The following CFDP1 variants were observed in gnomAD, a reference collection of about 807,000 sequenced individuals.
CFDP1 encodes chromatin remodeling protein CFDP1.
CFDP1 carries 31 observed loss-of-function variants against 40.1 expected under a neutral mutation model. The observed-to-expected ratio is 0.77, with a 90% CI of 0.58 to 1.04. The LOEUF (loss-of-function observed/expected upper bound fraction) is 1.04. Among genes scored for constraint, CFDP1 ranks in the 50% least tolerant of loss-of-function variants. CFDP1 has a pLI of 0.00. For synonymous variants in CFDP1, 167 were observed against 120.0 expected, an observed-to-expected ratio of 1.39 and a Z score of -2.56; for missense variants, 423 against 343.4, an observed-to-expected ratio of 1.23 and a Z score of -1.83.
chr16:75,428,382 G>A (rs913182057), intron 1 of CFDP1, among the ~76,000 whole-genome samples: 11 of 152,074 alleles, frequency 7.2e-5, no homozygotes, highest in Admixed American at 7.2e-4. Context: ...TTGGGAGGCC[G>A]AAGCAAGTGG....
At position 75,332,317 on chromosome 16, in the gene CFDP1, T is replaced by C. The variant is rs149790704; in HGVS notation, c.651-27135A>G. ...CCATCTCTACTAAAAATACAAAAAT[T>C]AGCACGCTGTAGTGGCACGCACCTA... is the stretch of plus-strand genomic sequence containing the variant. On this transcript the variant is annotated intron_variant, in intron 5 of 6. Coordinates refer to ENST00000283882, the MANE Select transcript of CFDP1 (RefSeq NM_006324.3). 4.0e-3 allele frequency among the ~76,000 whole-genome samples: 608 copies of C among 151,938 alleles called. 4 individuals are homozygous for C. The highest frequency in any genetic ancestry group is 0.014 in the African/African-American group (586 of 41,408).
rs1334718706 is a variant in CFDP1, at chr16:75,411,945, T to C, written c.410A>G (p.Glu137Gly). ...VPPSTQVKKGEETEETSSSKL... is the reference protein window; with the variant it reads ...VPPSTQVKKGGETEETSSSKL... ...ACTTGAACTTGTCTCTTCAGTCTCC[T>C]CTCCTTTCTATAAAAAAAACAAGAA... is the stretch of plus-strand genomic sequence containing the variant. The change falls in exon 4 of 7, where the codon GAG (glutamate) becomes GGG (glycine). Residue 137 changes from glutamate (E) to glycine (G), a missense_variant. By Grantham distance (98) the Glu-to-Gly change is moderately conservative (BLOSUM62 -2). Transcript: ENST00000283882. The C allele has an allele frequency of 6.3e-7, 1 of 1,595,902 alleles. No homozygotes were observed. The highest frequency in any genetic ancestry group is 1.4e-5 in the African/African-American group (1 of 73,666).
In CFDP1 at chr16:75,333,122, C is replaced by CTT. The variant is rs1281826055; in HGVS notation, c.651-27942_651-27941dup. Among the ~76,000 whole-genome samples, 516 of 87,168 alleles carry CTT rather than the reference C, an allele frequency of 5.9e-3. 3 individuals are homozygous for CTT. The highest frequency in any genetic ancestry group is 0.021 in the African/African-American group (484 of 22,920). The allele number at this position is 87,168 out of a possible 152,430, so 57.2% of individuals were successfully genotyped here. On this transcript the variant is annotated intron_variant, in intron 5 of 6. Transcript: ENST00000283882. Reference sequence around the variant, plus strand: ...TGCGCCCAGCCAGCCTACTCATGTTCTTTTTTTTTTTTTTTTTTTGAGATG... The same window carrying CTT: ...TGCGCCCAGCCAGCCTACTCATGTTCTTTTTTTTTTTTTTTTTTTTTGAGATG...
At chr16:75,312,689 G>A (rs2078301295) in intron 5 of CFDP1, among the ~76,000 whole-genome samples, 1 of 152,274 alleles carries the variant, frequency 6.6e-6, no homozygotes, top group South Asian at 2.1e-4. Flanking sequence ...TCTTCCATGT[G>A]TTGTTGAGCA....
chr16:75,411,977 T>A, intron 3 of CFDP1, 25 bp from the exon 4 acceptor site: 2 of 1,575,772 alleles, frequency 1.3e-6, no homozygotes, highest in Admixed American at 2.0e-5. Context: ...AGAAATGTAA[T>A]GTTTCACCAA....
intron 4 of CFDP1, among the ~76,000 whole-genome samples, chr16:75,406,171 T>G (rs963004902): frequency 3.3e-5 from 5 of 150,096 alleles, no homozygotes; most frequent in Admixed American, 6.6e-5. Context: ...GCCCAGGAGT[T>G]CAAGACCAGC....
At chr16:75,367,296 G>A (rs2078721443) in intron 5 of CFDP1, among the ~76,000 whole-genome samples, 1 of 151,976 alleles carries the variant, frequency 6.6e-6, no homozygotes, top group African/African-American at 2.4e-5. Context: ...TTTAGGGAGA[G>A]TATTAGGAAA....
chr16:75,417,603 C>T (rs1276431031), intron 1 of CFDP1, among the ~76,000 whole-genome samples: 1 of 152,126 alleles, frequency 6.6e-6, no homozygotes, highest in Non-Finnish European at 1.5e-5. Context: ...AAAACAGCTC[C>T]TTATAAGGGT....
rs765191908 is a variant in CFDP1, at chr16:75,294,046, G to A, written c.810-4C>T. 8.7e-6 allele frequency: 14 copies of A among 1,609,686 alleles called. No individual in the cohort carries two copies. Among genetic ancestry groups the A allele is most frequent in the Non-Finnish European group, 1.2e-5 (14 of 1,175,984 alleles). ...GAAGGCTTTCCGTTCAATGTACCTAGAAGATGAAAACAGTGTTTGTCAGTA... is the reference window on the plus strand; with the variant it reads ...GAAGGCTTTCCGTTCAATGTACCTAAAAGATGAAAACAGTGTTTGTCAGTA... On this transcript the variant is annotated splice_polypyrimidine_tract_variant and splice_region_variant and intron_variant, in intron 6 of 6. Transcript: ENST00000283882.
At position 75,293,710 on chromosome 16, in the gene CFDP1, T is replaced by C; in HGVS notation, c.*242A>G. 4.2e-6 allele frequency: 2 copies of C among 474,080 alleles called. No homozygotes were observed. Among genetic ancestry groups the C allele is most frequent in the East Asian group, 8.0e-5 (2 of 25,084 alleles). The allele number at this position is 474,080 out of a possible 1,614,324, so 29.4% of individuals were successfully genotyped here. ...AATAAAGGGAAGGTGAGCGAGGTCG[T>C]CATCTTCATTATCCTCTCACAGGAC... On this transcript the variant is annotated 3_prime_UTR_variant, in exon 7 of 7. Transcript: ENST00000283882.
intron 4 of CFDP1, among the ~76,000 whole-genome samples, chr16:75,398,878 C>A (rs956631515): frequency 6.6e-6 from 1 of 151,944 alleles, no homozygotes; most frequent in East Asian, 1.9e-4. Context: ...CACGGTGAAA[C>A]CCCGTCTCTA....
chr16:75,396,950 G>C (rs2078999074), intron 4 of CFDP1, among the ~76,000 whole-genome samples: 2 of 152,018 alleles, frequency 1.3e-5, no homozygotes, highest in Admixed American at 6.6e-5. Context: ...GTCTCGCTCT[G>C]TCGCCTAGGC....
At chr16:75,359,140 C>T (rs2078665267) in intron 5 of CFDP1, among the ~76,000 whole-genome samples, 1 of 152,172 alleles carries the variant, frequency 6.6e-6, no homozygotes, top group African/African-American at 2.4e-5. Flanking sequence ...GCAGATCTGA[C>T]ACTCCAGCTA....
At chr16:75,371,220 T>C (rs1207626808) in intron 5 of CFDP1, among the ~76,000 whole-genome samples, 3 of 152,228 alleles carry the variant, frequency 2.0e-5, no homozygotes, top group Non-Finnish European at 2.9e-5. Context: ...TAAATGCCAG[T>C]AGCATCCCCT....
At chr16:75,309,934 A>G (rs2078285424) in intron 5 of CFDP1, among the ~76,000 whole-genome samples, 1 of 151,782 alleles carries the variant, frequency 6.6e-6, no homozygotes. Context: ...AGTCTGCTTT[A>G]ACAGACCACT....
At chr16:75,300,332 G>C (rs1422467719) in intron 6 of CFDP1, among the ~76,000 whole-genome samples, 1 of 152,116 alleles carries the variant, frequency 6.6e-6, no homozygotes, top group Admixed American at 6.5e-5. Context: ...TTGTTGCCTA[G>C]GCTGGAGTGC....
At chr16:75,386,426 T>C (rs1318370041) in intron 5 of CFDP1, among the ~76,000 whole-genome samples, 1 of 152,174 alleles carries the variant, frequency 6.6e-6, no homozygotes, top group Non-Finnish European at 1.5e-5. Flanking sequence ...AAAAAGTTTT[T>C]GCTTTGAAAA....
At chr16:75,346,872 C>T (rs2078570043) in intron 5 of CFDP1, among the ~76,000 whole-genome samples, 1 of 152,008 alleles carries the variant, frequency 6.6e-6, no homozygotes, top group African/African-American at 2.4e-5. Flanking sequence ...GACTTGCCCA[C>T]CCCACTCCTG....
chr16:75,376,840 C>G (rs2078802839), intron 5 of CFDP1, among the ~76,000 whole-genome samples: 1 of 152,200 alleles, frequency 6.6e-6, no homozygotes, highest in Admixed American at 6.5e-5. Flanking sequence ...CGCCCCTTCC[C>G]AGAGCAATGA....
Sources: gnomAD v4.1 joint callset for allele counts (sites outside exome capture counted in the v4.1 genomes callset) on GRCh38, gnomAD v4.1.1 for gene constraint, MANE v1.5 for transcripts, NCBI Gene and HGNC (gene_info 2026-07-23, HGNC 2026-07-21) for gene names.